COMMD1: variants seen among roughly 807,000 people sequenced by gnomAD.
The protein encoded by COMMD1 is COMM domain-containing protein 1.
A neutral mutation model predicts 17.2 loss-of-function variants in COMMD1; 10 were observed. The observed-to-expected ratio is 0.58, with a 90% CI of 0.36 to 0.99. COMMD1 has a LOEUF of 0.99. Among genes scored for constraint, COMMD1 ranks in the 50% least tolerant of loss-of-function variants. COMMD1 has a pLI of 0.01. For missense variants in COMMD1, 270 were observed against 231.8 expected (o/e 1.17, Z -1.07); for synonymous variants, 97 against 91.6 (o/e 1.06, Z -0.34).
intron 2 of COMMD1, among the ~76,000 whole-genome samples, chr2:62,135,316 C>T (rs1017156845): frequency 1.1e-4 from 17 of 151,986 alleles, no homozygotes; most frequent in Admixed American, 7.9e-4. Flanking sequence ...CATTTGTACG[C>T]CTCTTATTTA....
In COMMD1 at chr2:61,978,869, A is replaced by G. The variant is rs536597420; in HGVS notation, c.181-21832A>G. On this transcript the variant is annotated intron_variant, in intron 1 of 2. Transcript: ENST00000311832. ...TCTGCTATAATTTTTTAAAATGTGG[A>G]TGGATATTTTGATATAGGCATTCAA... 5.3e-5 allele frequency among the ~76,000 whole-genome samples: 8 copies of G among 152,290 alleles called. No homozygotes were observed. In the South Asian group the frequency reaches 1.7e-3, roughly 32 times the overall value.
intron 1 of COMMD1, among the ~76,000 whole-genome samples, chr2:61,934,566 T>A (rs186996947): frequency 5.1e-4 from 77 of 151,954 alleles, no homozygotes; most frequent in African/African-American, 1.5e-3. Flanking sequence ...CAAAAAAAAA[T>A]TTTTTTTATA....
intron 2 of COMMD1, among the ~76,000 whole-genome samples, chr2:62,029,465 A>G (rs902738782): frequency 2.6e-5 from 4 of 152,154 alleles, no homozygotes; most frequent in African/African-American, 7.2e-5. Flanking sequence ...TAATGTACCT[A>G]TATTCCTATT....
Position 62,112,173 on chromosome 2 carries a change from T to C in COMMD1, c.463-23658T>C, listed in dbSNP as rs568109529. Among the ~76,000 whole-genome samples, 6 of 152,336 alleles carry C rather than the reference T, an allele frequency of 3.9e-5. No individual in the cohort carries two copies. The East Asian group carries it at 1.2e-3, about 29-fold the overall frequency. On this transcript the variant is annotated intron_variant, in intron 2 of 2. Coordinates refer to ENST00000311832, the MANE Select transcript of COMMD1 (RefSeq NM_152516.4). ...CTTCATGGTCGAACCTGGCCTTTTC[T>C]GATTCCAAATATTTGAGTGCAGTGG...
intron 1 of COMMD1, among the ~76,000 whole-genome samples, chr2:61,996,484 A>C (rs1668759080): frequency 6.6e-6 from 1 of 150,960 alleles, no homozygotes; most frequent in African/African-American, 2.4e-5. Flanking sequence ...GCATCCGTGG[A>C]CTCTCCCTTT....
intron 2 of COMMD1, among the ~76,000 whole-genome samples, chr2:62,084,479 T>C (rs904437725): frequency 1.3e-5 from 2 of 152,162 alleles, no homozygotes; most frequent in African/African-American, 2.4e-5. Flanking sequence ...CCTTATCCTT[T>C]ACACTGAGGA....
At chr2:62,101,097 T>TAAAA (rs60837521) in intron 2 of COMMD1, among the ~76,000 whole-genome samples, 1 of 146,376 alleles carries the variant, frequency 6.8e-6, no homozygotes, top group Non-Finnish European at 1.5e-5. Context: ...GGGCAAGATT[T>TAAAA]AAAAAAAAAA....
At chr2:62,094,222 T>C (rs1262270189) in intron 2 of COMMD1, among the ~76,000 whole-genome samples, 2 of 152,164 alleles carry the variant, frequency 1.3e-5, no homozygotes, top group East Asian at 1.9e-4. Flanking sequence ...TAAAATGATG[T>C]TGGGGGCAGA....
intron 2 of COMMD1, among the ~76,000 whole-genome samples, chr2:62,043,549 T>C (rs986989756): frequency 6.6e-6 from 1 of 152,208 alleles, no homozygotes; most frequent in African/African-American, 2.4e-5. Context: ...CTTGTCGCAT[T>C]AATGGACAAA....
intron 1 of COMMD1, among the ~76,000 whole-genome samples, chr2:61,991,948 T>G (rs1047519833): frequency 6.6e-6 from 1 of 152,226 alleles, no homozygotes; most frequent in Non-Finnish European, 1.5e-5. Flanking sequence ...AAAGGAATTC[T>G]TATAATTCAC....
intron 2 of COMMD1, among the ~76,000 whole-genome samples, chr2:62,071,781 C>T (rs907406618): frequency 1.3e-5 from 2 of 152,142 alleles, no homozygotes; most frequent in African/African-American, 2.4e-5. Context: ...AAATTCCCAG[C>T]CATGATAGGA....
At chr2:61,999,194 AATGAAGT>A (rs1386597497) in intron 1 of COMMD1, among the ~76,000 whole-genome samples, 2 of 152,220 alleles carry the variant, frequency 1.3e-5, no homozygotes, top group Admixed American at 1.3e-4. Flanking sequence ...TGCACAATAA[AATGAAGT>A]ATGCCTGTAG....
chr2:61,964,494 G>A (rs929019155), intron 1 of COMMD1, among the ~76,000 whole-genome samples: 4 of 152,116 alleles, frequency 2.6e-5, no homozygotes, highest in South Asian at 2.1e-4. Flanking sequence ...GATTATAGGC[G>A]TGAGGCACTA....
At chr2:61,996,338 GTGTGT>G (rs1449237017) in intron 1 of COMMD1, among the ~76,000 whole-genome samples, 2 of 151,846 alleles carry the variant, frequency 1.3e-5, no homozygotes, top group African/African-American at 2.4e-5. Flanking sequence ...GTGTGTGTGT[GTGTGT>G]GTGTGTGTGT....
chr2:62,059,868 G>C (rs1301282088), intron 2 of COMMD1, among the ~76,000 whole-genome samples: 1 of 152,152 alleles, frequency 6.6e-6, no homozygotes, highest in African/African-American at 2.4e-5. Context: ...GACATGGTTG[G>C]ATTTAGATCT....
chr2:61,904,028 A>C (rs558880571), upstream of COMMD1, among the ~76,000 whole-genome samples: 1 of 152,104 alleles, frequency 6.6e-6, no homozygotes, highest in African/African-American at 2.4e-5. Flanking sequence ...TATTTTTTTG[A>C]GACGGAGTCT....
At chr2:61,922,875 T>G (rs1353112044) in intron 1 of COMMD1, among the ~76,000 whole-genome samples, 1 of 152,236 alleles carries the variant, frequency 6.6e-6, no homozygotes, top group Non-Finnish European at 1.5e-5. Flanking sequence ...AGAACCACCA[T>G]TGACTTTGCT....
chr2:62,064,390 T>C (rs761592794), intron 2 of COMMD1, among the ~76,000 whole-genome samples: 29 of 152,148 alleles, frequency 1.9e-4, no homozygotes, highest in Non-Finnish European at 2.9e-4. Flanking sequence ...GCCAGGCTGG[T>C]CTCGAATGCC....
At chr2:62,096,675 G>T (rs1573181321) in intron 2 of COMMD1, among the ~76,000 whole-genome samples, 1 of 152,234 alleles carries the variant, frequency 6.6e-6, no homozygotes, top group South Asian at 2.1e-4. Flanking sequence ...GCAGGGGAAA[G>T]GTCGTAATAG....
Sources: allele counts gnomAD v4.1 joint callset (sites outside exome capture counted in the v4.1 genomes callset), GRCh38; gene constraint gnomAD v4.1.1; transcripts MANE v1.5; gene names NCBI Gene and HGNC (gene_info 2026-07-23, HGNC 2026-07-21).